The following ENPP6 variants were observed in gnomAD, a reference collection of about 807,000 sequenced individuals.
The protein encoded by ENPP6 is glycerophosphocholine cholinephosphodiesterase ENPP6.
ENPP6 carries 32 observed loss-of-function variants against 42.0 expected under a neutral mutation model. The ratio of observed to expected loss-of-function variants is 0.76; its 90% CI spans 0.58 to 1.02. ENPP6 has a LOEUF of 1.02. Ranked by LOEUF, ENPP6 falls within the 50% of genes least tolerant of loss-of-function variation. The pLI is 0.00. For missense variants in ENPP6, 552 were observed against 566.8 expected (o/e 0.97, Z 0.27); for synonymous variants, 213 against 216.0 (o/e 0.99, Z 0.12).
At chr4:184,172,826 G>A (rs906717633) in intron 1 of ENPP6, among the ~76,000 whole-genome samples, 7 of 152,058 alleles carry the variant, frequency 4.6e-5, no homozygotes, top group African/African-American at 1.7e-4. Context: ...CCTGAGTGGC[G>A]TGCATACCAG....
chr4:184,140,088 T>G (rs1230369286), intron 2 of ENPP6, among the ~76,000 whole-genome samples: 1 of 150,838 alleles, frequency 6.6e-6, no homozygotes, highest in African/African-American at 2.5e-5. Flanking sequence ...TGGTTTTGAT[T>G]TGCATTTCTC....
At chr4:184,159,380 T>C (rs1330258202) in intron 1 of ENPP6, among the ~76,000 whole-genome samples, 2 of 152,228 alleles carry the variant, frequency 1.3e-5, no homozygotes, top group South Asian at 2.1e-4. Context: ...AGCTGCATGC[T>C]TTGCTGTCTG....
chr4:184,101,257 ATG>A (rs1303947951), intron 6 of ENPP6, among the ~76,000 whole-genome samples: 2 of 147,056 alleles, frequency 1.4e-5, no homozygotes, highest in Admixed American at 6.7e-5. Context: ...GTGTGTGTTT[ATG>A]TGTGTCTGTG....
intron 2 of ENPP6, among the ~76,000 whole-genome samples, chr4:184,137,668 G>A (rs1376837914): frequency 1.3e-5 from 2 of 152,160 alleles, no homozygotes; most frequent in African/African-American, 4.8e-5. Flanking sequence ...ATGAAGGCTT[G>A]CCCCTTGTCT....
At chr4:184,186,097 C>T (rs1339937415) in intron 1 of ENPP6, among the ~76,000 whole-genome samples, 3 of 152,096 alleles carry the variant, frequency 2.0e-5, no homozygotes, top group East Asian at 1.9e-4. Context: ...ATGTGCCAAA[C>T]CTTAACAATT....
At chr4:184,150,102 G>C (rs1035329581) in intron 2 of ENPP6, among the ~76,000 whole-genome samples, 1 of 152,092 alleles carries the variant, frequency 6.6e-6, no homozygotes, top group African/African-American at 2.4e-5. Context: ...GATTTGGGGG[G>C]CCTCCCCTGA....
intron 3 of ENPP6, among the ~76,000 whole-genome samples, chr4:184,120,923 G>A (rs1736405258): frequency 6.6e-6 from 1 of 152,204 alleles, no homozygotes; most frequent in Non-Finnish European, 1.5e-5. Flanking sequence ...GTGGTTCTCA[G>A]GCACCGTGTC....
rs556651187 is a variant in ENPP6 at position 184,188,822 on chromosome 4, G to T, written c.241+28757C>A. Among the ~76,000 whole-genome samples the T allele has an allele frequency of 2.0e-3, 305 of 152,246 alleles. 13 individuals carry two copies. The South Asian group carries it at 0.06, about 30-fold the overall frequency. ...TCCCCTGGGCCTACTGGTAGGACCA[G>T]CTTTGCATTTTATGTGACGGAGGAG... On this transcript the variant is annotated intron_variant, in intron 1 of 7. Transcript: ENST00000296741.
intron 1 of ENPP6, among the ~76,000 whole-genome samples, chr4:184,158,988 G>A (rs1290898607): frequency 6.6e-6 from 1 of 152,072 alleles, no homozygotes; most frequent in Non-Finnish European, 1.5e-5. Context: ...TTATTTTCCA[G>A]TACAGTAAGA....
intron 1 of ENPP6, among the ~76,000 whole-genome samples, chr4:184,167,654 T>C (rs1402791983): frequency 6.6e-6 from 1 of 152,200 alleles, no homozygotes; most frequent in Non-Finnish European, 1.5e-5. Context: ...TGGTTAGTTT[T>C]GTTTGTCATT....
intron 2 of ENPP6, among the ~76,000 whole-genome samples, chr4:184,131,260 C>CTCTTTCTTTCTTTCT (rs1560987499): frequency 1.2e-3 from 9 of 7,492 alleles, no homozygotes; most frequent in African/African-American, 3.7e-3. Flanking sequence ...TTCTCTTTCT[C>CTCTTTCTTTCTTTCT]TTCCTTCCTT....
chr4:184,157,407 C>CTCTT (rs755835910), intron 1 of ENPP6, among the ~76,000 whole-genome samples: 1,112 of 107,296 alleles, frequency 0.01, 14 homozygotes, highest in African/African-American at 0.036. Flanking sequence ...TTCGTTCTTT[C>CTCTT]TCTTTCTTTC....
chr4:184,116,839 C>T lies in ENPP6; in HGVS notation c.855+17G>A. 3 of 1,612,504 alleles carry T rather than the reference C, an allele frequency of 1.9e-6. No individual in the cohort carries two copies. The highest frequency in any genetic ancestry group is 2.5e-6 in the Non-Finnish European group (3 of 1,179,684). ...GGCCCACATGGCCCTCCTCCGCCCC[C>T]CACGGGTCTGTCTTGCCTCAGAGTG... On this transcript the variant is annotated intron_variant, in intron 5 of 7. Transcript: ENST00000296741.
At chr4:184,180,607 C>G (rs1474579575) in intron 1 of ENPP6, among the ~76,000 whole-genome samples, 4 of 152,098 alleles carry the variant, frequency 2.6e-5, no homozygotes, top group African/African-American at 9.7e-5. Context: ...TGCAAATATC[C>G]TCAATAAAAT....
At chr4:184,111,349 C>T (rs747871301) in intron 6 of ENPP6, among the ~76,000 whole-genome samples, 4 of 152,196 alleles carry the variant, frequency 2.6e-5, no homozygotes, top group Non-Finnish European at 5.9e-5. Flanking sequence ...ACAGTAAGCC[C>T]TTTGGTGTGA....
intron 1 of ENPP6, among the ~76,000 whole-genome samples, chr4:184,172,071 G>A (rs768118060): frequency 2.6e-5 from 4 of 152,058 alleles, no homozygotes; most frequent in Middle Eastern, 3.2e-3. Flanking sequence ...AAATAATGAC[G>A]AGGACACAGC....
rs1252839766 is a variant in ENPP6 at position 184,139,790 on chromosome 4, C to T, written c.421+13764G>A. ...CATTTGGGTTGGTTCCAAGTCTTTGCTATTGTGAATAATGCCGCAATAAAC... is the reference window on the plus strand; with the variant it reads ...CATTTGGGTTGGTTCCAAGTCTTTGTTATTGTGAATAATGCCGCAATAAAC... On this transcript the variant is annotated intron_variant, in intron 2 of 7. Coordinates refer to ENST00000296741, the MANE Select transcript of ENPP6 (RefSeq NM_153343.4). 4.1e-5 allele frequency among the ~76,000 whole-genome samples: 3 copies of T among 73,402 alleles called. 1 individual carries two copies. The highest frequency in any genetic ancestry group is 8.6e-5 in the Non-Finnish European group (3 of 34,776). The allele number at this position is 73,402 out of a possible 152,430, so 48.2% of individuals were successfully genotyped here.
At chr4:184,140,585 G>A (rs1193254651) in intron 2 of ENPP6, among the ~76,000 whole-genome samples, 205 of 128,850 alleles carry the variant, frequency 1.6e-3, no homozygotes, top group Middle Eastern at 7.4e-3. Context: ...AAATAACGCC[G>A]CATATCTACA....
At chr4:184,209,727 TACAGAGA>T (rs1488867347) in intron 1 of ENPP6, among the ~76,000 whole-genome samples, 23 of 148,156 alleles carry the variant, frequency 1.6e-4, no homozygotes, top group Admixed American at 9.4e-4. Context: ...ATTCAGGAAA[TACAGAGA>T]ACGCCACAAA....
Sources: allele counts gnomAD v4.1 joint callset (sites outside exome capture counted in the v4.1 genomes callset), GRCh38; gene constraint gnomAD v4.1.1; transcripts MANE v1.5; gene names NCBI Gene and HGNC (gene_info 2026-07-23, HGNC 2026-07-21).